The following CBLB variants were observed in gnomAD, a reference collection of about 807,000 sequenced individuals.
CBLB encodes Cbl proto-oncogene B.
Under a neutral mutation model 104.9 loss-of-function variants are expected in CBLB, and 31 were observed. The observed-to-expected ratio is 0.30, with a 90% CI of 0.22 to 0.40. The LOEUF is 0.40. CBLB is among the 10% of genes least tolerant of loss of function. CBLB has a pLI of 1.00. For missense variants in CBLB, 1,062 were observed against 1,214.6 expected (o/e 0.87, Z 1.87); for synonymous variants, 440 against 422.6 (o/e 1.04, Z -0.51).
intron 6 of CBLB, among the ~76,000 whole-genome samples, chr3:105,741,065 T>C (rs954971310): frequency 1.3e-5 from 2 of 151,040 alleles, no homozygotes; most frequent in Non-Finnish European, 3.0e-5. Flanking sequence ...ACTCAATATA[T>C]TCCTTTGTAA....
In CBLB at chr3:105,656,902, A is replaced by T. The variant is rs3732555; in HGVS notation, c.*2068T>A. ...GGTGACATCTGAAACTGTTAAAACA[A>T]GTGAAAAATCATAATGACAAAACAG... is the stretch of plus-strand genomic sequence containing the variant. On this transcript the variant is annotated 3_prime_UTR_variant, in exon 19 of 19. Coordinates refer to ENST00000394030, the MANE Select transcript of CBLB (RefSeq NM_170662.5). 4.7e-6 allele frequency: 1 copy of T among 212,476 alleles called. No individual in the cohort carries two copies. Among genetic ancestry groups the T allele is most frequent in the Non-Finnish European group, 9.5e-6 (1 of 105,120 alleles). The allele number at this position is 212,476 out of a possible 1,614,324, so 13.2% of individuals were successfully genotyped here.
At chr3:105,842,041 G>A (rs1300286311) in intron 3 of CBLB, among the ~76,000 whole-genome samples, 2 of 151,820 alleles carry the variant, frequency 1.3e-5, no homozygotes, top group Non-Finnish European at 2.9e-5. Context: ...GAGGGTTACA[G>A]TCCAGTTCAA....
intron 3 of CBLB, among the ~76,000 whole-genome samples, chr3:105,777,923 A>C (rs1171019950): frequency 6.6e-6 from 1 of 152,216 alleles, no homozygotes; most frequent in African/African-American, 2.4e-5. Context: ...TACTAGTGTT[A>C]GATAGTTAAG....
chr3:105,742,391 T>C (rs889388316), intron 6 of CBLB, among the ~76,000 whole-genome samples: 3 of 152,186 alleles, frequency 2.0e-5, no homozygotes, highest in Non-Finnish European at 2.9e-5. Flanking sequence ...TTGGACAAAC[T>C]AGAATTTAAA....
In CBLB at chr3:105,720,099, T is replaced by A; in HGVS notation, c.1355A>T (p.Asp452Val). ...FGMPMLDLDD[D>V]DDREESLMMN... ...CATCAAGGACTCCTCACGATCATCA[T>A]CGTCGTCCAAGTCTAGCATCGGCAT... Residue 452 changes from aspartate (D) to valine (V), a missense_variant, in exon 10 of 19, where the codon GAT becomes GTT. By Grantham distance (152) the Asp-to-Val change is radical (BLOSUM62 -3). Transcript: ENST00000394030. 2 of 1,614,054 alleles carry A rather than the reference T, an allele frequency of 1.2e-6. No homozygotes were observed. The highest frequency in any genetic ancestry group is 1.7e-6 in the Non-Finnish European group (2 of 1,179,950).
At chr3:105,816,798 T>C (rs1426134022) in intron 3 of CBLB, among the ~76,000 whole-genome samples, 1 of 152,188 alleles carries the variant, frequency 6.6e-6, no homozygotes, top group Admixed American at 6.5e-5. Flanking sequence ...GGCCCAGCAC[T>C]GCTGCGGTGG....
intron 3 of CBLB, among the ~76,000 whole-genome samples, chr3:105,815,175 T>C (rs943641490): frequency 3.4e-4 from 52 of 152,282 alleles, no homozygotes; most frequent in Non-Finnish European, 2.5e-4. Flanking sequence ...ACCTACATTA[T>C]TGCCCTAATT....
At chr3:105,850,294 T>C (rs1288421883) in intron 3 of CBLB, among the ~76,000 whole-genome samples, 1 of 152,060 alleles carries the variant, frequency 6.6e-6, no homozygotes, top group Admixed American at 6.6e-5. Context: ...GTTATGGGTA[T>C]TTGGCCAGTA....
chr3:105,738,250 G>A (rs754910896), intron 7 of CBLB, among the ~76,000 whole-genome samples: 3 of 151,916 alleles, frequency 2.0e-5, no homozygotes, highest in Non-Finnish European at 2.9e-5. Flanking sequence ...ATTTATCCTC[G>A]AATGAGGAGT....
chr3:105,776,275 C>T, intron 4 of CBLB, 121 bp downstream of exon 4: 1 of 907,226 alleles, frequency 1.1e-6, no homozygotes, highest in Non-Finnish European at 1.7e-6. Flanking sequence ...AAATGCTTAT[C>T]AAAAATAATA....
At chr3:105,691,374 T>C (rs1384802237) in intron 13 of CBLB, among the ~76,000 whole-genome samples, 2 of 152,222 alleles carry the variant, frequency 1.3e-5, no homozygotes, top group Non-Finnish European at 2.9e-5. Context: ...GGAGAAAGTA[T>C]GACTAATTTT....
At chr3:105,791,274 G>A (rs16851593) in intron 3 of CBLB, among the ~76,000 whole-genome samples, 1,933 of 152,228 alleles carry the variant, frequency 0.013, 45 homozygotes, top group African/African-American at 0.043. Context: ...CTACTTTGGC[G>A]GAGTCTCAGC....
chr3:105,780,231 A>C (rs1488251384), intron 3 of CBLB, among the ~76,000 whole-genome samples: 1 of 152,120 alleles, frequency 6.6e-6, no homozygotes, highest in Non-Finnish European at 1.5e-5. Context: ...CTAACCATCT[A>C]GACATAGGGA....
Position 105,678,488 on chromosome 3 carries a change from G to A in CBLB, c.2512C>T (p.Pro838Ser). 1 of 1,614,040 alleles carries A rather than the reference G, an allele frequency of 6.2e-7. No individual in the cohort carries two copies. The highest frequency in any genetic ancestry group is 8.5e-7 in the Non-Finnish European group (1 of 1,179,914). ...ARHSLIEHSK[P>S]PGSSSRPSSG... ...GATGGCCGGCTACTGGAGCCAGGAG[G>A]TTTTGAATGTTCAATGAGACTATGC... Residue 838 changes from proline to serine, a missense_variant, in exon 17 of 19, where the codon CCT becomes TCT. Transcript: ENST00000394030.
intron 4 of CBLB, among the ~76,000 whole-genome samples, chr3:105,776,072 T>A (rs1269840573): frequency 3.3e-5 from 5 of 152,168 alleles, no homozygotes; most frequent in Admixed American, 6.5e-5. Context: ...ATTTTGTATA[T>A]TAAGTACATA....
chr3:105,720,353 CTT>C, intron 9 of CBLB, 103 bp from the exon 10 acceptor site: 1 of 1,095,256 alleles, frequency 9.1e-7, no homozygotes. Context: ...CCCAAAAAGA[CTT>C]TTTGGGGTAG....
At chr3:105,786,060 T>TCGGG (rs1553794587) in intron 3 of CBLB, among the ~76,000 whole-genome samples, 2 of 3,150 alleles carry the variant, frequency 6.3e-4, no homozygotes, top group Non-Finnish European at 8.7e-4. Context: ...TGTGAGAGGA[T>TCGGG]CGGGGGGGGG....
intron 17 of CBLB, chr3:105,673,464 A>T (rs2065282351): frequency 6.6e-6 from 1 of 152,244 alleles, no homozygotes; most frequent in Non-Finnish European, 1.5e-5. Context: ...TTAAATAATT[A>T]AAACAATGGC....
intron 13 of CBLB, among the ~76,000 whole-genome samples, chr3:105,689,918 G>A (rs1479462787): frequency 6.6e-6 from 1 of 151,948 alleles, no homozygotes; most frequent in Non-Finnish European, 1.5e-5. Flanking sequence ...ATTTCAGATT[G>A]CTTTTACAAC....
Sources: gnomAD v4.1 joint callset for allele counts (sites outside exome capture counted in the v4.1 genomes callset) on GRCh38, gnomAD v4.1.1 for gene constraint, MANE v1.5 for transcripts, NCBI Gene and HGNC (gene_info 2026-07-23, HGNC 2026-07-21) for gene names.